The following COL27A1 variants were observed in gnomAD, a reference collection of about 807,000 sequenced individuals.
COL27A1 encodes the protein collagen alpha-1(XXVII) chain.
A neutral mutation model predicts 251.3 loss-of-function variants in COL27A1; 106 were observed. The observed-to-expected ratio is 0.42, with a 90% CI of 0.36 to 0.50. The LOEUF (loss-of-function observed/expected upper bound fraction) is 0.50, where lower values mean the gene tolerates loss of function less well. Ranked by LOEUF, COL27A1 falls within the 20% of genes least tolerant of loss-of-function variation. The pLI is 0.00. For synonymous variants in COL27A1, 1,000 were observed against 986.3 expected (o/e 1.01, Z -0.26); for missense variants, 2,325 against 2,522.8 (o/e 0.92, Z 1.68).
chr9:114,160,948 C>T (rs777680972), intron 1 of COL27A1, among the ~76,000 whole-genome samples: 2 of 152,172 alleles, frequency 1.3e-5, no homozygotes, highest in East Asian at 1.9e-4. Context: ...CCATCACTGG[C>T]GTCTGAGTGC....
In COL27A1 at chr9:114,240,286, C is replaced by A; in HGVS notation, c.2781+13C>A. 6.3e-7 allele frequency: 1 copy of A among 1,592,194 alleles called. No homozygotes were observed. On this transcript the variant is annotated intron_variant, in intron 20 of 60. Transcript: ENST00000356083. ...AGAAGGCATGAAGGTGAGTACCTGC[C>A]CAGGGCAGCTCCAGTTGGAGGAGCA... is the stretch of plus-strand genomic sequence containing the variant.
intron 48 of COL27A1, among the ~76,000 whole-genome samples, chr9:114,291,437 G>A (rs555651802): frequency 2.7e-4 from 41 of 152,148 alleles, no homozygotes; most frequent in Non-Finnish European, 4.1e-4. Flanking sequence ...TTGACCCAGG[G>A]AAGATGTGAA....
rs561121231 is a variant in COL27A1 at position 114,228,140 on chromosome 9, G to A, written c.2467-2939G>A. On this transcript the variant is annotated intron_variant, in intron 14 of 60. Transcript: ENST00000356083. ...AGACCCCTTTGGAGAGCCCTGCTGA[G>A]GCAGCGAGTGGGACCTGGGGAGTGG... Among the ~76,000 whole-genome samples the A allele has an allele frequency of 1.1e-4, 16 of 152,270 alleles. No homozygotes were observed. In the South Asian group the frequency reaches 3.1e-3, roughly 30 times the overall value.
chr9:114,309,617 T>A (rs899183445), intron 60 of COL27A1, 139 bp downstream of exon 60: 2 of 706,548 alleles, frequency 2.8e-6, no homozygotes, highest in African/African-American at 3.6e-5. Flanking sequence ...TATGATTTCA[T>A]CTTTGTGTAA....
At chr9:114,233,573 ATGT>A (rs940849330) in intron 16 of COL27A1, among the ~76,000 whole-genome samples, 4 of 152,164 alleles carry the variant, frequency 2.6e-5, no homozygotes, top group African/African-American at 9.7e-5. Context: ...CGCTCTGGAA[ATGT>A]TGAAGTCATG....
intron 58 of COL27A1, 46 bp downstream of exon 58, chr9:114,306,734 G>A (rs1428985687): frequency 5.0e-6 from 8 of 1,596,400 alleles, no homozygotes; most frequent in Non-Finnish European, 3.4e-6. Flanking sequence ...GCGGTGGGGA[G>A]CTGGGGCAGG....
intron 44 of COL27A1, 118 bp from the exon 45 acceptor site, chr9:114,289,124 C>A: frequency 7.3e-7 from 1 of 1,374,544 alleles, no homozygotes; most frequent in South Asian, 1.3e-5. Context: ...CCTGGGGATG[C>A]CCCCAGAACC....
intron 25 of COL27A1, 45 bp from the exon 26 acceptor site, chr9:114,252,548 C>G (rs1250215952): frequency 6.3e-7 from 1 of 1,585,398 alleles, no homozygotes; most frequent in Non-Finnish European, 8.7e-7. Context: ...AGAGCCACCC[C>G]ACAGCCATAG....
intron 7 of COL27A1, among the ~76,000 whole-genome samples, chr9:114,204,675 G>C (rs111767298): frequency 6.6e-6 from 1 of 152,142 alleles, no homozygotes; most frequent in Non-Finnish European, 1.5e-5. Flanking sequence ...CCAGCATCCC[G>C]TGTGACGTGG....
At chr9:114,308,473 G>C (rs1279505029) in intron 59 of COL27A1, among the ~76,000 whole-genome samples, 1 of 152,234 alleles carries the variant, frequency 6.6e-6, no homozygotes, top group African/African-American at 2.4e-5. Context: ...CTCTAGGAGA[G>C]GCAGCCAGCC....
At chr9:114,305,818 G>A (rs561338598) in intron 57 of COL27A1, among the ~76,000 whole-genome samples, 2 of 152,330 alleles carry the variant, frequency 1.3e-5, no homozygotes, top group South Asian at 4.1e-4. Context: ...AATGGATTGG[G>A]TGAGCGGCTG....
Position 114,222,246 on chromosome 9 carries a change from C to T in COL27A1, c.2445C>T (p.Pro815=). The T allele has an allele frequency of 6.2e-7, 1 of 1,613,756 alleles. No individual in the cohort carries two copies. Among genetic ancestry groups the T allele is most frequent in the Non-Finnish European group, 8.5e-7 (1 of 1,179,714 alleles). ...AGGGAGAACTGGGCCTGCCAGGCCC[C>T]CCTGGAGTCCCCGGCCTCATTGTAA... ...GNPGELGLPG[P]PGVPGLIGDL... The change falls in exon 14 of 61, where the codon CCC becomes CCT. Residue 815 remains proline (P), a synonymous_variant. Transcript: ENST00000356083.
chr9:114,170,288 G>A (rs1441890805), intron 3 of COL27A1, among the ~76,000 whole-genome samples: 2 of 152,224 alleles, frequency 1.3e-5, no homozygotes, highest in Non-Finnish European at 2.9e-5. Context: ...TTTGCAGGAT[G>A]GTCTCAGGGT....
intron 7 of COL27A1, 109 bp downstream of exon 7, chr9:114,196,121 C>A: frequency 1.1e-6 from 1 of 933,800 alleles, no homozygotes; most frequent in Admixed American, 1.7e-5. Flanking sequence ...CCCAGCCCAG[C>A]TCCCCTGGGC....
In COL27A1 at chr9:114,162,725, T is replaced by C. The variant is rs1324880569; in HGVS notation, c.73T>C (p.Phe25Leu). ...AAAARGGGFLFSWILVSFACH... is the reference protein window; with the variant it reads ...AAAARGGGFLLSWILVSFACH... Reference sequence around the variant, plus strand: ...TCTCCTGGTCTCTAGGGGGTTTCTCTTCTCCTGGATCTTAGTCTCGTTTGC... The same window carrying C: ...TCTCCTGGTCTCTAGGGGGTTTCTCCTCTCCTGGATCTTAGTCTCGTTTGC... The change falls in exon 2 of 61, where the codon TTC (phenylalanine) becomes CTC (leucine). Residue 25 changes from phenylalanine (F) to leucine (L), a missense_variant. Physicochemically the swap from Phe to Leu is conservative, Grantham distance 22. Around this residue, in one of 4 missense-constraint regions of COL27A1, gnomAD observed 1,183 missense variants for 1,144.1 expected, o/e 1.03. Coordinates refer to ENST00000356083, the MANE Select transcript of COL27A1 (RefSeq NM_032888.4). The C allele has an allele frequency of 3.1e-6, 5 of 1,612,338 alleles. No homozygotes were observed. The highest frequency in any genetic ancestry group is 4.2e-6 in the Non-Finnish European group (5 of 1,179,410).
chr9:114,203,306 C>T (rs530186731), intron 7 of COL27A1, among the ~76,000 whole-genome samples: 49 of 152,280 alleles, frequency 3.2e-4, no homozygotes, highest in Admixed American at 7.2e-4. Flanking sequence ...AGCAGCTAAC[C>T]TTTTCAGCGC....
chr9:114,305,049 G>A (rs1363232780), intron 57 of COL27A1, among the ~76,000 whole-genome samples: 2 of 152,190 alleles, frequency 1.3e-5, no homozygotes, highest in Non-Finnish European at 2.9e-5. Flanking sequence ...GAAGCTCATG[G>A]TTAGCTCGTG....
chr9:114,312,302 A>T lies in COL27A1; in HGVS notation c.*1607A>T, dbSNP rs1829497767. The T allele has an allele frequency of 6.6e-6, 1 of 152,076 alleles. No homozygotes were observed. Among genetic ancestry groups the T allele is most frequent in the Non-Finnish European group, 1.5e-5 (1 of 68,026 alleles). 9.4% of individuals were successfully genotyped at this position (152,076 alleles called of 1,614,324 possible). ...GCCCCAGCCTGGACGCTCTGCGTGG[A>T]AGTGCGTGTTTGTAGCAGCTCGGGC... On this transcript the variant is annotated 3_prime_UTR_variant, in exon 61 of 61. Transcript: ENST00000356083.
intron 49 of COL27A1, among the ~76,000 whole-genome samples, chr9:114,293,551 A>G (rs1013598624): frequency 4.4e-5 from 3 of 68,688 alleles, no homozygotes; most frequent in East Asian, 6.9e-4. Flanking sequence ...AAAATAAACC[A>G]AAAAAAAAAA....
Sources: allele counts gnomAD v4.1 joint callset (sites outside exome capture counted in the v4.1 genomes callset), GRCh38; gene constraint gnomAD v4.1.1; regional missense constraint gnomAD v4.1.1; transcripts MANE v1.5; gene names NCBI Gene and HGNC (gene_info 2026-07-23, HGNC 2026-07-21).